Variants in COL21A1 observed in about 807,000 individuals in gnomAD.
The protein encoded by COL21A1 is collagen alpha-1(XXI) chain.
Under a neutral mutation model 137.9 loss-of-function variants are expected in COL21A1, and 149 were observed. The ratio of observed to expected loss-of-function variants is 1.08; its 90% CI spans 0.95 to 1.24. COL21A1 has a LOEUF of 1.24. Among genes scored for constraint, COL21A1 ranks in the 50% most tolerant of loss-of-function variants. The pLI, the probability that COL21A1 is intolerant of heterozygous loss-of-function variation, is 0.00. For synonymous variants in COL21A1, 456 were observed against 391.5 expected, an observed-to-expected ratio of 1.16 and a Z score of -1.95; for missense variants, 1,167 against 1,158.4, an observed-to-expected ratio of 1.01 and a Z score of -0.11.
chr6:56,183,693 T>G (rs1259546561), intron 1 of COL21A1, among the ~76,000 whole-genome samples: 1 of 152,162 alleles, frequency 6.6e-6, no homozygotes, highest in Non-Finnish European at 1.5e-5. Flanking sequence ...TTTTTATTCC[T>G]GATCAGGAGA....
intron 1 of COL21A1, among the ~76,000 whole-genome samples, chr6:56,205,266 T>C (rs772075413): frequency 6.6e-6 from 1 of 152,044 alleles, no homozygotes; most frequent in Non-Finnish European, 1.5e-5. Context: ...ATAACTAGAA[T>C]AACCAGTTTA....
Position 56,141,791 on chromosome 6 carries a change from A to G in COL21A1, c.1536T>C (p.Gly512=). ...CATTTTTGTGTGTGTTTACCTTGTC[A>G]CCATCTCGCCCTGGTTCTCCTTTGT... is the stretch of plus-strand genomic sequence containing the variant. ...PGYKGEPGRD[G]DKGDRGLPGF... The change falls in exon 12 of 30, where the codon GGT becomes GGC. Residue 512 remains glycine, a synonymous_variant. Coordinates refer to ENST00000244728, the MANE Select transcript of COL21A1 (RefSeq NM_030820.4). 6.2e-7 allele frequency: 1 copy of G among 1,613,686 alleles called. No homozygotes were observed. Among genetic ancestry groups the G allele is most frequent in the Non-Finnish European group, 8.5e-7 (1 of 1,179,702 alleles).
chr6:56,331,548 T>C (rs1188840993), intron 1 of COL21A1, among the ~76,000 whole-genome samples: 2 of 117,030 alleles, frequency 1.7e-5, no homozygotes, highest in Non-Finnish European at 3.7e-5. Flanking sequence ...CTTTCCCCAG[T>C]GTATTTTTTT....
chr6:56,172,901 A>G (rs1485920113), intron 3 of COL21A1, among the ~76,000 whole-genome samples: 2 of 152,052 alleles, frequency 1.3e-5, no homozygotes, highest in Non-Finnish European at 1.5e-5. Context: ...GAAAATACCT[A>G]CGGAAGATAA....
chr6:56,277,307 A>G (rs1187887909), intron 1 of COL21A1, among the ~76,000 whole-genome samples: 1 of 151,974 alleles, frequency 6.6e-6, no homozygotes, highest in East Asian at 1.9e-4. Context: ...CCCTCAACCC[A>G]CGACAGGCCC....
At chr6:56,282,421 T>C (rs1763805892) in intron 1 of COL21A1, among the ~76,000 whole-genome samples, 1 of 152,170 alleles carries the variant, frequency 6.6e-6, no homozygotes, top group Non-Finnish European at 1.5e-5. Flanking sequence ...AGAAAAAAAC[T>C]AAAATTACAG....
chr6:56,309,891 G>A (rs976057986), intron 1 of COL21A1, among the ~76,000 whole-genome samples: 2 of 152,144 alleles, frequency 1.3e-5, no homozygotes, highest in African/African-American at 2.4e-5. Flanking sequence ...AGGACAGATC[G>A]ATGCAGGGAT....
Position 56,060,105 on chromosome 6 carries a change from G to C in COL21A1, c.2521C>G (p.Pro841Ala). The change falls in exon 28 of 30, where the codon CCC (proline) becomes GCC (alanine). Residue 841 changes from proline to alanine, a missense_variant. Coordinates refer to ENST00000244728, the MANE Select transcript of COL21A1 (RefSeq NM_030820.4). Reference protein sequence around the residue: ...GPPGPIGPEGPRGLPGLPGRD... With the variant: ...GPPGPIGPEGARGLPGLPGRD... Reference sequence around the variant, plus strand: ...CCTGGCAAACCAGGTAATCCTCTGGGACCCTCTGGGCCTATCGGACCAGGT... The same window carrying C: ...CCTGGCAAACCAGGTAATCCTCTGGCACCCTCTGGGCCTATCGGACCAGGT... 6.2e-7 allele frequency: 1 copy of C among 1,609,894 alleles called. No individual in the cohort carries two copies. The highest frequency in any genetic ancestry group is 1.1e-5 in the South Asian group (1 of 90,452).
In COL21A1 at chr6:56,158,266, C is replaced by CTTTTTTTTTTTTTTTTT. The variant is rs67453245; in HGVS notation, c.1372-1334_1372-1318dup. Among the ~76,000 whole-genome samples the CTTTTTTTTTTTTTTTTT allele has an allele frequency of 9.6e-4, 60 of 62,402 alleles. 1 individual carries two copies. Among genetic ancestry groups the CTTTTTTTTTTTTTTTTT allele is most frequent in the East Asian group, 1.1e-3 (2 of 1,838 alleles). The allele number at this position is 62,402 out of a possible 152,430, so 40.9% of individuals were successfully genotyped here. On this transcript the variant is annotated intron_variant, in intron 9 of 29. Coordinates refer to ENST00000244728, the MANE Select transcript of COL21A1 (RefSeq NM_030820.4). ...CGTGGGTTTTTTCTTTTTTTTTTTT[C>CTTTTTTTTTTTTTTTTT]TTTTTTTTTTTTTTTTTTTTTTCTG...
chr6:56,376,023 C>A (rs914662635), intron 1 of COL21A1, among the ~76,000 whole-genome samples: 5 of 152,064 alleles, frequency 3.3e-5, no homozygotes, highest in Non-Finnish European at 7.4e-5. Context: ...AGAAGAGCTG[C>A]GGGTAGCTGA....
chr6:56,209,212 G>A (rs1779993373), intron 1 of COL21A1, among the ~76,000 whole-genome samples: 1 of 152,154 alleles, frequency 6.6e-6, no homozygotes, highest in South Asian at 2.1e-4. Context: ...TCAGGACTTA[G>A]GCATGGGCAA....
intron 16 of COL21A1, among the ~76,000 whole-genome samples, chr6:56,104,085 T>A (rs1770675991): frequency 6.6e-6 from 1 of 152,200 alleles, no homozygotes; most frequent in South Asian, 2.1e-4. Context: ...AGGTGTCTTG[T>A]TTATATGTGT....
upstream of COL21A1, among the ~76,000 whole-genome samples, chr6:56,250,466 A>G (rs547491671): frequency 6.6e-6 from 1 of 152,300 alleles, no homozygotes; most frequent in South Asian, 2.1e-4. Context: ...AGCCTCTAGG[A>G]TCTGAGAACC....
chr6:56,118,590 T>G (rs1413584931), intron 16 of COL21A1, among the ~76,000 whole-genome samples: 1 of 152,030 alleles, frequency 6.6e-6, no homozygotes, highest in Non-Finnish European at 1.5e-5. Context: ...GAGGCCAGTA[T>G]TACCCTGACA....
intron 17 of COL21A1, among the ~76,000 whole-genome samples, chr6:56,089,693 AAT>A (rs1156297350): frequency 3.3e-5 from 5 of 152,336 alleles, no homozygotes; most frequent in Non-Finnish European, 5.9e-5. Flanking sequence ...ATCAGAGATG[AAT>A]ATAATCAGTC....
intron 1 of COL21A1, among the ~76,000 whole-genome samples, chr6:56,339,125 C>G (rs1168363423): frequency 6.6e-6 from 1 of 152,108 alleles, no homozygotes; most frequent in African/African-American, 2.4e-5. Context: ...TCACTTCCCC[C>G]CAGGAACCAC....
At chr6:56,128,886 C>T (rs574734328) in intron 12 of COL21A1, among the ~76,000 whole-genome samples, 159 of 152,264 alleles carry the variant, frequency 1.0e-3, no homozygotes, top group African/African-American at 3.7e-3. Flanking sequence ...AACTCCTGAC[C>T]TCAGGTGATC....
intron 10 of COL21A1, among the ~76,000 whole-genome samples, chr6:56,150,514 T>TCTCACACA (rs1186958042): frequency 2.2e-5 from 1 of 46,182 alleles, no homozygotes; most frequent in African/African-American, 2.7e-4. Flanking sequence ...CGAGACTCCA[T>TCTCACACA]CACACACACA....
chr6:56,234,574 C>T (rs188411312), intron 1 of COL21A1, among the ~76,000 whole-genome samples: 80 of 151,808 alleles, frequency 5.3e-4, no homozygotes, highest in Middle Eastern at 3.4e-3. Flanking sequence ...CAAAAGGCAA[C>T]GTTTTCCCTA....
Sources: gnomAD v4.1 joint callset for allele counts (sites outside exome capture counted in the v4.1 genomes callset) on GRCh38, gnomAD v4.1.1 for gene constraint, MANE v1.5 for transcripts, NCBI Gene and HGNC (gene_info 2026-07-23, HGNC 2026-07-21) for gene names.